Variants in UTRN observed in about 807,000 individuals in gnomAD.
UTRN encodes utrophin.
UTRN carries 283 observed loss-of-function variants against 463.9 expected under a neutral mutation model. The observed-to-expected ratio is 0.61, with a 90% CI of 0.55 to 0.67. The LOEUF (loss-of-function observed/expected upper bound fraction) is 0.67, where lower values mean the gene tolerates loss of function less well. UTRN is among the 30% of genes least tolerant of loss of function. The pLI, the probability that UTRN is intolerant of heterozygous loss-of-function variation, is 0.00. For missense variants in UTRN, 3,922 were observed against 4,084.3 expected (o/e 0.96, Z 1.08); for synonymous variants, 1,442 against 1,431.5 (o/e 1.01, Z -0.17).
chr6:144,285,724 C>A lies in UTRN; in HGVS notation c.-190C>A, dbSNP rs1018149976. The stretch of plus-strand genomic sequence containing the variant: ...ACCACCAAACTAACACTCGCACACA[C>A]CCCCGCGGTTACTCCGTGTCAAACT... On this transcript the variant is annotated 5_prime_UTR_variant, in exon 1 of 75. Transcript: ENST00000367545. 1 of 152,102 alleles carries A rather than the reference C, an allele frequency of 6.6e-6. No homozygotes were observed. Among genetic ancestry groups the A allele is most frequent in the Non-Finnish European group, 1.5e-5 (1 of 68,036 alleles). The allele number at this position is 152,102 out of a possible 1,614,324, so 9.4% of individuals were successfully genotyped here.
At chr6:144,484,643 A>G (rs1199762337) in intron 27 of UTRN, among the ~76,000 whole-genome samples, 1 of 151,686 alleles carries the variant, frequency 6.6e-6, no homozygotes, top group African/African-American at 2.4e-5. Context: ...GGGTTTCACC[A>G]TGTTGGCCAG....
chr6:144,628,855 GC>G (rs764463699), intron 51 of UTRN, among the ~76,000 whole-genome samples: 7 of 152,086 alleles, frequency 4.6e-5, no homozygotes, highest in Non-Finnish European at 1.0e-4. Context: ...GAGTTAAACT[GC>G]CCGGGCAGAT....
At chr6:144,336,554 A>C (rs528826893) in intron 2 of UTRN, among the ~76,000 whole-genome samples, 6 of 152,296 alleles carry the variant, frequency 3.9e-5, no homozygotes, top group African/African-American at 1.4e-4. Context: ...ATGAAGCTTG[A>C]AAGTTCTAGA....
chr6:144,746,673 C>T (rs1400659762), intron 54 of UTRN, among the ~76,000 whole-genome samples: 2 of 151,764 alleles, frequency 1.3e-5, no homozygotes, highest in African/African-American at 2.4e-5. Context: ...GATGGGGTTT[C>T]GCCATGTTGG....
chr6:144,759,674 G>A (rs544919082), intron 58 of UTRN, among the ~76,000 whole-genome samples: 1 of 152,228 alleles, frequency 6.6e-6, no homozygotes, highest in South Asian at 2.1e-4. Flanking sequence ...AGTGGCAGGG[G>A]AGGCAGAGAT....
chr6:144,580,248 A>G (rs1414865125), intron 51 of UTRN, among the ~76,000 whole-genome samples: 2 of 91,980 alleles, frequency 2.2e-5, no homozygotes, highest in South Asian at 4.2e-4. Context: ...CTGGTGGTGC[A>G]CAGTCTTTGT....
chr6:144,722,936 A>C (rs376177427), intron 53 of UTRN, among the ~76,000 whole-genome samples: 3 of 152,300 alleles, frequency 2.0e-5, no homozygotes, highest in African/African-American at 7.2e-5. Context: ...TTGCCAACCC[A>C]CACAATCATG....
chr6:144,405,518 A>AT (rs200297870), intron 3 of UTRN, among the ~76,000 whole-genome samples: 2,288 of 150,444 alleles, frequency 0.015, 50 homozygotes, highest in South Asian at 0.1. Flanking sequence ...AAGGGAACGA[A>AT]TTTTTTTTTT....
At chr6:144,692,317 A>G (rs978297355) in intron 52 of UTRN, among the ~76,000 whole-genome samples, 2 of 152,170 alleles carry the variant, frequency 1.3e-5, no homozygotes. Flanking sequence ...AGTTGATTCC[A>G]TGTTGTTGCT....
At chr6:144,626,121 A>G (rs917090344) in intron 51 of UTRN, among the ~76,000 whole-genome samples, 1 of 152,216 alleles carries the variant, frequency 6.6e-6, no homozygotes, top group African/African-American at 2.4e-5. Context: ...TTAATTAAAA[A>G]TATGTTAAGC....
intron 13 of UTRN, among the ~76,000 whole-genome samples, chr6:144,441,468 C>A (rs544812900): frequency 6.6e-6 from 1 of 152,360 alleles, no homozygotes; most frequent in Admixed American, 6.5e-5. Context: ...ATCCAGGTCA[C>A]GCCTATGCAA....
chr6:144,745,010 G>A (rs1473842015), intron 54 of UTRN, among the ~76,000 whole-genome samples: 1 of 152,168 alleles, frequency 6.6e-6, no homozygotes, highest in Non-Finnish European at 1.5e-5. Context: ...ATCCATGCCA[G>A]ACCTTACGCT....
chr6:144,475,933 G>A (rs748358881), intron 25 of UTRN, among the ~76,000 whole-genome samples: 8 of 151,524 alleles, frequency 5.3e-5, no homozygotes, highest in East Asian at 2.0e-4. Flanking sequence ...AAAATTAGCC[G>A]GGCATGGTGG....
At chr6:144,496,842 T>A (rs559460090) in intron 33 of UTRN, among the ~76,000 whole-genome samples, 1 of 152,282 alleles carries the variant, frequency 6.6e-6, no homozygotes, top group South Asian at 2.1e-4. Context: ...TAAGCCGAGA[T>A]CTGAAGTCTG....
chr6:144,656,451 G>T (rs1174156599), intron 51 of UTRN, among the ~76,000 whole-genome samples: 2 of 152,138 alleles, frequency 1.3e-5, no homozygotes, highest in African/African-American at 4.8e-5. Context: ...CACTCTGGTT[G>T]CCCCAGCTGG....
intron 65 of UTRN, among the ~76,000 whole-genome samples, chr6:144,813,193 T>G (rs1778779940): frequency 6.6e-6 from 1 of 150,932 alleles, no homozygotes; most frequent in Admixed American, 6.6e-5. Flanking sequence ...ATTTATTTAT[T>G]TATTTATTTT....
chr6:144,316,939 G>C (rs1022032333), intron 2 of UTRN, among the ~76,000 whole-genome samples: 3 of 152,208 alleles, frequency 2.0e-5, no homozygotes, highest in African/African-American at 7.2e-5. Flanking sequence ...ACAATGCAGA[G>C]AGGAAGAAAT....
chr6:144,354,516 G>C (rs1778384905), intron 2 of UTRN, among the ~76,000 whole-genome samples: 1 of 152,172 alleles, frequency 6.6e-6, no homozygotes, highest in East Asian at 1.9e-4. Flanking sequence ...TCTCTGGCTG[G>C]GTAGTGGCCC....
intron 2 of UTRN, among the ~76,000 whole-genome samples, chr6:144,332,062 A>G (rs1776372025): frequency 1.3e-5 from 2 of 152,184 alleles, no homozygotes. Context: ...ACCGGCCCCC[A>G]GCTCTTGGCT....
Sources: gnomAD v4.1 joint callset for allele counts (sites outside exome capture counted in the v4.1 genomes callset) on GRCh38, gnomAD v4.1.1 for gene constraint, MANE v1.5 for transcripts, NCBI Gene and HGNC (gene_info 2026-07-23, HGNC 2026-07-21) for gene names.